GLT8D2: variants seen among roughly 807,000 people sequenced by gnomAD.
GLT8D2 encodes glycosyltransferase 8 domain-containing protein 2.
GLT8D2 carries 45 observed loss-of-function variants against 44.5 expected under a neutral mutation model. The observed-to-expected ratio is 1.01, with a 90% CI of 0.80 to 1.30. The LOEUF (loss-of-function observed/expected upper bound fraction) is 1.30, where lower values mean the gene tolerates loss of function less well. Among genes scored for constraint, GLT8D2 ranks in the 50% most tolerant of loss-of-function variants. The pLI is 0.00. For synonymous variants in GLT8D2, 156 were observed against 157.2 expected, an observed-to-expected ratio of 0.99 and a Z score of 0.06; for missense variants, 400 against 430.4, an observed-to-expected ratio of 0.93 and a Z score of 0.62.
chr12:104,012,187 A>AT (rs1555278404), intron 4 of GLT8D2, among the ~76,000 whole-genome samples: 69 of 84,734 alleles, frequency 8.1e-4, no homozygotes, highest in South Asian at 2.1e-3. Context: ...AAAAAAAAAA[A>AT]AAATATATAT....
chr12:104,017,247 TTC>T (rs1877000173), intron 3 of GLT8D2, among the ~76,000 whole-genome samples: 1 of 152,166 alleles, frequency 6.6e-6, no homozygotes, highest in Admixed American at 6.6e-5. Context: ...TAGGAAATCA[TTC>T]TGTTTTCATT....
At chr12:104,014,238 C>A in intron 4 of GLT8D2, 1 of 695,764 alleles carries the variant, frequency 1.4e-6, no homozygotes, top group Non-Finnish European at 2.6e-6. Flanking sequence ...ACCTGTAGTT[C>A]CAACTTCCTG....
intron 4 of GLT8D2, among the ~76,000 whole-genome samples, chr12:104,008,290 C>T (rs1875349965): frequency 1.3e-5 from 2 of 152,246 alleles, no homozygotes; most frequent in East Asian, 3.9e-4. Flanking sequence ...GAGGTGGCCT[C>T]AGATGTAGAT....
At chr12:103,998,361 A>T (rs1873759443) in intron 6 of GLT8D2, among the ~76,000 whole-genome samples, 1 of 151,704 alleles carries the variant, frequency 6.6e-6, no homozygotes, top group South Asian at 2.1e-4. Flanking sequence ...CAGCCTCCTG[A>T]GTAGGTAGCT....
At chr12:104,058,088 G>C (rs1373704547) in intron 1 of GLT8D2, among the ~76,000 whole-genome samples, 1 of 152,194 alleles carries the variant, frequency 6.6e-6, no homozygotes, top group Non-Finnish European at 1.5e-5. Flanking sequence ...CCAGAGCTGG[G>C]ATGGTAGTCT....
chr12:104,000,862 AG>A (rs1271813780), intron 5 of GLT8D2, among the ~76,000 whole-genome samples: 2 of 152,244 alleles, frequency 1.3e-5, no homozygotes, highest in Non-Finnish European at 2.9e-5. Context: ...TTTAGATTAT[AG>A]GCAAACACCT....
chr12:104,006,583 C>CCT (rs2040574698), intron 4 of GLT8D2, among the ~76,000 whole-genome samples: 1 of 152,062 alleles, frequency 6.6e-6, no homozygotes. Flanking sequence ...TTTTAGACCT[C>CCT]CTCTCCTCTT....
At chr12:104,010,204 G>A (rs1037058009) in intron 4 of GLT8D2, among the ~76,000 whole-genome samples, 1 of 152,142 alleles carries the variant, frequency 6.6e-6, no homozygotes, top group African/African-American at 2.4e-5. Flanking sequence ...TTCTTTGCCT[G>A]GCACACAAGA....
rs1050116852 is a variant in GLT8D2, at chr12:103,999,449, A to G, written c.350T>C (p.Val117Ala). ...NFKIVEFNPM[V>A]LKGKIRPDSS... ...GTCTGGTCTGATCTTCCCTTTGAGGACCATCGGGTTGAATTCCACGATTTT... is the reference window on the plus strand; with the variant it reads ...GTCTGGTCTGATCTTCCCTTTGAGGGCCATCGGGTTGAATTCCACGATTTT... The change falls in exon 6 of 11, where the codon GTC (valine) becomes GCC (alanine). Residue 117 changes from valine (V) to alanine (A), a missense_variant. Coordinates refer to ENST00000360814, the MANE Select transcript of GLT8D2 (RefSeq NM_001384711.1). 3.1e-6 allele frequency: 5 copies of G among 1,613,604 alleles called. No individual in the cohort carries two copies. Among genetic ancestry groups the G allele is most frequent in the Middle Eastern group, 1.7e-4 (1 of 5,942 alleles).
intron 4 of GLT8D2, among the ~76,000 whole-genome samples, chr12:104,013,056 G>A (rs1166190510): frequency 6.6e-6 from 1 of 152,170 alleles, no homozygotes; most frequent in East Asian, 1.9e-4. Flanking sequence ...ATTTTGTTAT[G>A]GCAGCCCAAG....
intron 1 of GLT8D2, among the ~76,000 whole-genome samples, chr12:104,055,691 G>C (rs2136539557): frequency 6.6e-6 from 1 of 152,260 alleles, no homozygotes; most frequent in Non-Finnish European, 1.5e-5. Context: ...ATTTCTTCTT[G>C]CTAACTGGGT....
At chr12:104,033,680 G>A (rs866090819) in intron 1 of GLT8D2, among the ~76,000 whole-genome samples, 12 of 152,140 alleles carry the variant, frequency 7.9e-5, no homozygotes, top group African/African-American at 2.4e-4. Flanking sequence ...AGGCAACTAC[G>A]TGAGGGTGAT....
At chr12:104,044,867 A>G (rs1203765970) in intron 1 of GLT8D2, among the ~76,000 whole-genome samples, 2 of 152,256 alleles carry the variant, frequency 1.3e-5, no homozygotes, top group Non-Finnish European at 2.9e-5. Flanking sequence ...TGAAGAATAA[A>G]TACTCATATA....
At chr12:104,052,096 TC>T (rs562015875), upstream of GLT8D2, among the ~76,000 whole-genome samples, 184 of 152,324 alleles carry the variant, frequency 1.2e-3, no homozygotes, top group South Asian at 6.6e-3. Context: ...GAATAGAGTA[TC>T]AGTTTTTCAA....
At chr12:104,055,775 GA>G (rs1882135667) in intron 1 of GLT8D2, among the ~76,000 whole-genome samples, 1 of 152,216 alleles carries the variant, frequency 6.6e-6, no homozygotes, top group East Asian at 1.9e-4. Flanking sequence ...GTTTGCCTGG[GA>G]GGAAAGGAAT....
At position 104,012,357 on chromosome 12, in the gene GLT8D2, T is replaced by A. The variant is rs573210741; in HGVS notation, c.112+2656A>T. 8.4e-4 allele frequency among the ~76,000 whole-genome samples: 128 copies of A among 152,250 alleles called. 1 individual carries two copies. The highest frequency in any genetic ancestry group is 7.6e-4 in the Non-Finnish European group (52 of 68,024). Reference sequence around the variant, plus strand: ...GAATGGTATTTTATAACATCGATTTTAAAAAATTTTAACACTGAATGGATA... The same window carrying A: ...GAATGGTATTTTATAACATCGATTTAAAAAAATTTTAACACTGAATGGATA... On this transcript the variant is annotated intron_variant, in intron 4 of 10. Transcript: ENST00000360814.
chr12:104,033,831 TA>T (rs1332915029), intron 1 of GLT8D2, among the ~76,000 whole-genome samples: 45 of 151,606 alleles, frequency 3.0e-4, no homozygotes, highest in East Asian at 1.4e-3. Flanking sequence ...TATATGTATA[TA>T]TTTTTTTTCA....
chr12:104,019,115 CT>C lies in GLT8D2; in HGVS notation c.19+514del, dbSNP rs1462962080. On this transcript the variant is annotated intron_variant, in intron 3 of 10. Transcript: ENST00000360814. Reference sequence around the variant, plus strand: ...TGCTGTAAGTTCACTTCCACTTCTTCTTCTTTTTTTTTTTTTTTTTTTGTGT... The same window carrying C: ...TGCTGTAAGTTCACTTCCACTTCTTCTCTTTTTTTTTTTTTTTTTTTGTGT... Among the ~76,000 whole-genome samples, 8 of 129,096 alleles carry C rather than the reference CT, an allele frequency of 6.2e-5. No homozygotes were observed. The South Asian group carries it at 2.2e-3, about 35-fold the overall frequency. The allele number at this position is 129,096 out of a possible 152,430, so 84.7% of individuals were successfully genotyped here.
At chr12:103,998,586 T>A (rs1873799346) in intron 6 of GLT8D2, among the ~76,000 whole-genome samples, 1 of 152,078 alleles carries the variant, frequency 6.6e-6, no homozygotes, top group African/African-American at 2.4e-5. Flanking sequence ...ATTTTTGTAT[T>A]TTTAGTAGAG....
Sources: allele counts gnomAD v4.1 joint callset (sites outside exome capture counted in the v4.1 genomes callset), GRCh38; gene constraint gnomAD v4.1.1; transcripts MANE v1.5; gene names NCBI Gene and HGNC (gene_info 2026-07-23, HGNC 2026-07-21).